CRHR2: variants seen among roughly 807,000 people sequenced by gnomAD.
The protein encoded by CRHR2 is corticotropin releasing hormone receptor 2, also known as corticotropin-releasing hormone receptor 2.
In CRHR2, 53 loss-of-function variants were observed where a neutral mutation model predicts 57.9. The ratio of observed to expected loss-of-function variants is 0.92; its 90% CI spans 0.73 to 1.15. The LOEUF is 1.15. CRHR2 is among the 50% of genes most tolerant of loss of function. The probability of loss-of-function intolerance (pLI) is 0.00; values close to 1 mark genes in which losing one functional copy is unlikely to be tolerated. For synonymous variants in CRHR2, 213 were observed against 220.9 expected (o/e 0.96, Z 0.32); for missense variants, 532 against 542.6 (o/e 0.98, Z 0.19).
intron 2 of CRHR2, among the ~76,000 whole-genome samples, chr7:30,676,398 G>A (rs1354062596): frequency 1.3e-5 from 2 of 152,184 alleles, no homozygotes. Flanking sequence ...TCTCGCTGGA[G>A]TCTGAGAATG....
chr7:30,655,173 G>A (rs1024816895), intron 10 of CRHR2, 93 bp from the exon 11 acceptor site: 4 of 1,397,264 alleles, frequency 2.9e-6, no homozygotes, highest in African/African-American at 2.9e-5. Flanking sequence ...TGGTGGGGGG[G>A]GGACAATTTG....
intron 2 of CRHR2, chr7:30,688,725 A>G (rs1224903473): frequency 1.8e-5 from 8 of 447,456 alleles, no homozygotes; most frequent in Non-Finnish European, 3.6e-5. Context: ...GCAGCTCTGC[A>G]GTGGCTGGCC....
At chr7:30,688,965 TG>T (rs1291496980) in intron 2 of CRHR2, 6 of 636,072 alleles carry the variant, frequency 9.4e-6, no homozygotes, top group Non-Finnish European at 1.8e-5. Flanking sequence ...GAATGGGGAG[TG>T]GCCTCCCAGC....
intron 1 of CRHR2, among the ~76,000 whole-genome samples, chr7:30,693,561 T>A (rs1480172649): frequency 1.3e-5 from 2 of 152,248 alleles, no homozygotes; most frequent in Non-Finnish European, 2.9e-5. Context: ...AAAATAAACC[T>A]GTAAATAGAA....
chr7:30,662,032 A>G, intron 7 of CRHR2, 124 bp downstream of exon 7: 3 of 954,924 alleles, frequency 3.1e-6, no homozygotes, highest in Middle Eastern at 3.4e-4. Context: ...GACAACAGGA[A>G]CGTGGATCTG....
chr7:30,660,685 G>T, intron 7 of CRHR2, 40 bp from the exon 8 acceptor site: 1 of 1,543,992 alleles, frequency 6.5e-7, no homozygotes, highest in Non-Finnish European at 8.8e-7. Flanking sequence ...TCCTGAGCTG[G>T]AACTGGGGGA....
chr7:30,687,834 A>G (rs1784885671), intron 2 of CRHR2, among the ~76,000 whole-genome samples: 1 of 152,152 alleles, frequency 6.6e-6, no homozygotes, highest in African/African-American at 2.4e-5. Context: ...GGGTGAGGGA[A>G]GGTTGGGCTT....
At chr7:30,681,170 C>T (rs1309507535) in intron 2 of CRHR2, among the ~76,000 whole-genome samples, 2 of 152,132 alleles carry the variant, frequency 1.3e-5, no homozygotes, top group African/African-American at 4.8e-5. Flanking sequence ...CTCTACTGCC[C>T]TTTTCCCCAG....
chr7:30,658,828 C>T (rs959565455), intron 8 of CRHR2, among the ~76,000 whole-genome samples: 1 of 152,238 alleles, frequency 6.6e-6, no homozygotes, highest in South Asian at 2.1e-4. Context: ...CCACCTGATT[C>T]ACTTCTCAGA....
intron 2 of CRHR2, among the ~76,000 whole-genome samples, chr7:30,676,263 C>CT (rs1784513265): frequency 1.3e-5 from 2 of 152,214 alleles, no homozygotes; most frequent in African/African-American, 2.4e-5. Context: ...TCCTTCTTTT[C>CT]TTAGCTAAAC....
intron 9 of CRHR2, 73 bp downstream of exon 9, chr7:30,655,854 G>A (rs1387584171): frequency 6.3e-7 from 1 of 1,597,108 alleles, no homozygotes; most frequent in African/African-American, 1.3e-5. Flanking sequence ...AGAGGGCTCT[G>A]CCAGGAAGCA....
rs1163571166 is a variant in CRHR2, at chr7:30,667,922, C to T, written c.230-609G>A. ...TACAAAGATGACAAGAGGATTCAAA[C>T]TCAGAAGTTGTGGCTTCGGGTCTTC... On this transcript the variant is annotated intron_variant, in intron 2 of 11. Transcript: ENST00000471646. Among the ~76,000 whole-genome samples, 5 of 152,316 alleles carry T rather than the reference C, an allele frequency of 3.3e-5. No individual in the cohort carries two copies. In the East Asian group the frequency reaches 7.7e-4, roughly 23 times the overall value.
chr7:30,662,166 C>T lies in CRHR2; in HGVS notation c.748G>A (p.Glu250Lys), dbSNP rs367659400. 67 of 1,613,992 alleles carry T rather than the reference C, an allele frequency of 4.2e-5. No individual in the cohort carries two copies. Among genetic ancestry groups the T allele is most frequent in the Middle Eastern group, 1.6e-4 (1 of 6,078 alleles). The change falls in exon 7 of 12, where the codon GAG becomes AAG. Residue 250 changes from glutamate (E) to lysine (K), a missense_variant. By Grantham distance (56) the Glu-to-Lys change is moderately conservative. Transcript: ENST00000471646. ...VAWAIGKLYY[E>K]NEQCWFGKEP... The stretch of plus-strand genomic sequence containing the variant: ...GGCCCATCCACTTACTGTTCATTCT[C>T]ATAGTAGAGCTTGCCGATGGCCCAG...
At chr7:30,672,695 G>C (rs1784403570) in intron 2 of CRHR2, among the ~76,000 whole-genome samples, 1 of 152,214 alleles carries the variant, frequency 6.6e-6, no homozygotes, top group Admixed American at 6.5e-5. Flanking sequence ...ACCCCACATG[G>C]GGGAGGGGTG....
intron 11 of CRHR2, among the ~76,000 whole-genome samples, chr7:30,654,056 C>T (rs569214075): frequency 2.0e-5 from 3 of 152,280 alleles, no homozygotes; most frequent in South Asian, 4.1e-4. Flanking sequence ...CACCCCTCCA[C>T]CTTCTCTACC....
At chr7:30,654,923 T>G (rs1376752772) in intron 11 of CRHR2, 116 bp downstream of exon 11, 2 of 1,554,636 alleles carry the variant, frequency 1.3e-6, no homozygotes, top group South Asian at 2.4e-5. Context: ...GGGTGGTATC[T>G]CAAGGCTTCC....
At chr7:30,668,512 A>C (rs1784255876) in intron 2 of CRHR2, among the ~76,000 whole-genome samples, 1 of 152,172 alleles carries the variant, frequency 6.6e-6, no homozygotes, top group Admixed American at 6.5e-5. Flanking sequence ...TAATTAAAAT[A>C]AATAGCTTGC....
intron 9 of CRHR2, 77 bp downstream of exon 9, chr7:30,655,850 C>G: frequency 1.3e-6 from 2 of 1,597,856 alleles, no homozygotes; most frequent in South Asian, 2.2e-5. Flanking sequence ...GGGCAGAGGG[C>G]TCTGCCAGGA....
At chr7:30,668,260 A>G (rs1784247413) in intron 2 of CRHR2, among the ~76,000 whole-genome samples, 1 of 151,898 alleles carries the variant, frequency 6.6e-6, no homozygotes, top group Non-Finnish European at 1.5e-5. Flanking sequence ...CTCCTAAGCC[A>G]CCCCCTCCAT....
Sources: gnomAD v4.1 joint callset for allele counts (sites outside exome capture counted in the v4.1 genomes callset) on GRCh38, gnomAD v4.1.1 for gene constraint, MANE v1.5 for transcripts, NCBI Gene and HGNC (gene_info 2026-07-23, HGNC 2026-07-21) for gene names.